Variants in LZTFL1 observed in about 807,000 individuals in gnomAD.
The protein encoded by LZTFL1 is leucine zipper transcription factor like 1.
In LZTFL1, 25 loss-of-function variants were observed where a neutral mutation model predicts 45.9. The observed-to-expected ratio is 0.54, with a 90% CI of 0.40 to 0.76. LZTFL1 has a LOEUF of 0.76. Among genes scored for constraint, LZTFL1 ranks in the 30% least tolerant of loss-of-function variants. LZTFL1 has a pLI of 0.00. For missense variants in LZTFL1, 277 were observed against 331.1 expected, an observed-to-expected ratio of 0.84 and a Z score of 1.27; for synonymous variants, 93 against 117.4, an observed-to-expected ratio of 0.79 and a Z score of 1.35.
rs1702573694 is a variant in LZTFL1, at chr3:45,901,916, G to A, written c.-215+11204C>T. 2 of 1,536,898 alleles carry A rather than the reference G, an allele frequency of 1.3e-6. No individual in the cohort carries two copies. Among genetic ancestry groups the A allele is most frequent in the Non-Finnish European group, 1.8e-6 (2 of 1,140,422 alleles). The stretch of plus-strand genomic sequence containing the variant: ...CCCTCTGAGGGGTCTTCTCTGAGGT[G>A]CATGGTTCTTTTGGAAGAAATGAGA... On this transcript the variant is annotated intron_variant, in intron 2 of 4. Transcript: ENST00000472635. This position sits in a 1 kb window ranked among gnomAD's most constrained non-coding sequence, Gnocchi z 4.3.
chr3:45,843,434 G>T (rs1187472684), upstream of LZTFL1, among the ~76,000 whole-genome samples: 2 of 152,152 alleles, frequency 1.3e-5, no homozygotes, highest in Non-Finnish European at 2.9e-5. Flanking sequence ...TTGTGGGTGC[G>T]AGATGAAGTT....
chr3:45,833,947 T>C (rs758302370), intron 4 of LZTFL1, among the ~76,000 whole-genome samples: 5 of 152,244 alleles, frequency 3.3e-5, no homozygotes, highest in Non-Finnish European at 7.3e-5. Flanking sequence ...TGGCTGACCC[T>C]ACAGCCTGCG....
At chr3:45,852,456 T>C (rs1372549903) in intron 4 of LZTFL1, among the ~76,000 whole-genome samples, 1 of 152,174 alleles carries the variant, frequency 6.6e-6, no homozygotes, top group Non-Finnish European at 1.5e-5. Flanking sequence ...AAATGAATTA[T>C]GGAGCAATAA....
At chr3:45,842,716 C>A (rs1251967431), upstream of LZTFL1, among the ~76,000 whole-genome samples, 1 of 152,142 alleles carries the variant, frequency 6.6e-6, no homozygotes, top group Non-Finnish European at 1.5e-5. Context: ...CAGTGAATTT[C>A]AAAAGGTTCC....
At chr3:45,895,372 G>T (rs78426777) in intron 2 of LZTFL1, among the ~76,000 whole-genome samples, 2 of 152,150 alleles carry the variant, frequency 1.3e-5, no homozygotes, top group South Asian at 4.1e-4. Flanking sequence ...ATGAAAACAC[G>T]TAACAGTATA....
chr3:45,853,647 G>A (rs1701341563), intron 4 of LZTFL1, among the ~76,000 whole-genome samples: 1 of 152,064 alleles, frequency 6.6e-6, no homozygotes, highest in Non-Finnish European at 1.5e-5. Context: ...CTAGGACCAA[G>A]CTCCATCAAT....
At chr3:45,829,944 A>C (rs1700772464) in intron 7 of LZTFL1, among the ~76,000 whole-genome samples, 1 of 152,248 alleles carries the variant, frequency 6.6e-6, no homozygotes, top group African/African-American at 2.4e-5. Flanking sequence ...CTATTTTAAA[A>C]ATATCTACAG....
At position 45,834,224 on chromosome 3, in the gene LZTFL1, G is replaced by A. The variant is rs1559403354; in HGVS notation, c.384+14C>T. ...GGCTATTAAGATATGGATTTAGAAT[G>A]ACCAAAAAGTTACCTTTTTGTTTGA... On this transcript the variant is annotated intron_variant, in intron 4 of 9. Coordinates refer to ENST00000296135, the MANE Select transcript of LZTFL1 (RefSeq NM_020347.4). 1.9e-6 allele frequency: 3 copies of A among 1,540,056 alleles called. No individual in the cohort carries two copies. The highest frequency in any genetic ancestry group is 2.7e-6 in the Non-Finnish European group (3 of 1,117,856).
At chr3:45,860,781 G>A (rs1246732445) in intron 2 of LZTFL1, among the ~76,000 whole-genome samples, 3 of 152,142 alleles carry the variant, frequency 2.0e-5, no homozygotes, top group African/African-American at 7.2e-5. Context: ...CTCTTAAAGG[G>A]TTGCCTCAGC....
chr3:45,895,096 G>A (rs921168102), intron 2 of LZTFL1: 2 of 876,546 alleles, frequency 2.3e-6, no homozygotes, highest in East Asian at 2.4e-5. Flanking sequence ...AATGCGCATT[G>A]CTGGGTAGGT....
chr3:45,830,992 T>C lies in LZTFL1; in HGVS notation c.523-2A>G, dbSNP rs771422726. On this transcript the variant is annotated splice_acceptor_variant, in intron 6 of 9. Coordinates refer to ENST00000296135, the MANE Select transcript of LZTFL1 (RefSeq NM_020347.4). LOFTEE classifies it high-confidence loss of function. The stretch of plus-strand genomic sequence containing the variant: ...CTTTTCATCCAGTGCATTTGTAGCC[T>C]ATAGTGAAGTTTAAACAAAACACTT... 2 of 1,613,556 alleles carry C rather than the reference T, an allele frequency of 1.2e-6. No individual in the cohort carries two copies. The highest frequency in any genetic ancestry group is 2.2e-5 in the South Asian group (2 of 91,044).
intron 1 of LZTFL1, among the ~76,000 whole-genome samples, chr3:45,839,661 T>A (rs1701054287): frequency 6.6e-6 from 1 of 152,100 alleles, no homozygotes; most frequent in Non-Finnish European, 1.5e-5. Flanking sequence ...TAACAGCAGG[T>A]TTTCTAGGTA....
At chr3:45,890,437 A>G (rs1322571231) in intron 2 of LZTFL1, among the ~76,000 whole-genome samples, 2 of 145,546 alleles carry the variant, frequency 1.4e-5, no homozygotes, top group African/African-American at 5.1e-5. Flanking sequence ...TAATAAAATA[A>G]AATTTGCTGA....
intron 2 of LZTFL1, among the ~76,000 whole-genome samples, chr3:45,891,140 C>T (rs1045374566): frequency 1.3e-5 from 2 of 152,184 alleles, no homozygotes; most frequent in African/African-American, 4.8e-5. Flanking sequence ...TCAGTGTTTT[C>T]CTGGCCCCCA....
intron 5 of LZTFL1, 30 bp downstream of exon 5, chr3:45,833,017 GAGA>G (rs1163328087): frequency 3.3e-6 from 5 of 1,511,068 alleles, no homozygotes; most frequent in Non-Finnish European, 3.7e-6. Context: ...GACAGAATGA[GAGA>G]CTTTCCGTTT....
chr3:45,837,778 A>G, intron 2 of LZTFL1, 149 bp downstream of exon 2: 1 of 671,436 alleles, frequency 1.5e-6, no homozygotes, highest in Middle Eastern at 3.3e-4. Context: ...TGTTTCCTGT[A>G]TCCATGAGGC....
At chr3:45,842,479 A>ATT (rs568552959), upstream of LZTFL1, among the ~76,000 whole-genome samples, 3 of 147,192 alleles carry the variant, frequency 2.0e-5, no homozygotes, top group African/African-American at 7.4e-5. Context: ...CGGCCCAGAC[A>ATT]TTTTTTTTTT....
intron 7 of LZTFL1, among the ~76,000 whole-genome samples, chr3:45,829,787 T>C (rs952169690): frequency 1.3e-5 from 2 of 152,210 alleles, no homozygotes; most frequent in African/African-American, 4.8e-5. Flanking sequence ...CCAAAAAGCT[T>C]TTAAACAAAT....
At chr3:45,908,599 T>G (rs1702727182) in intron 2 of LZTFL1, among the ~76,000 whole-genome samples, 1 of 151,356 alleles carries the variant, frequency 6.6e-6, no homozygotes, top group Non-Finnish European at 1.5e-5. Flanking sequence ...AGCTGAGAGC[T>G]GAAGAATGGA....
Sources: allele counts gnomAD v4.1 joint callset (sites outside exome capture counted in the v4.1 genomes callset), GRCh38; gene constraint gnomAD v4.1.1; non-coding constraint Gnocchi (gnomAD v3.1); transcripts MANE v1.5; gene names NCBI Gene and HGNC (gene_info 2026-07-23, HGNC 2026-07-21).